The following CTNNA3 variants were observed in gnomAD, a reference collection of about 807,000 sequenced individuals.
CTNNA3 encodes the protein catenin alpha-3.
A neutral mutation model predicts 95.7 loss-of-function variants in CTNNA3; 76 were observed. The ratio of observed to expected loss-of-function variants is 0.79; its 90% CI spans 0.66 to 0.96. The LOEUF (loss-of-function observed/expected upper bound fraction) is 0.96. Ranked by LOEUF, CTNNA3 falls within the 40% of genes least tolerant of loss-of-function variation. The pLI, the probability that CTNNA3 is intolerant of heterozygous loss-of-function variation, is 0.00. For synonymous variants in CTNNA3, 431 were observed against 374.4 expected (o/e 1.15, Z -1.74); for missense variants, 1,191 against 1,089.8 (o/e 1.09, Z -1.31).
At chr10:66,360,719 T>C (rs71492498) in intron 12 of CTNNA3, among the ~76,000 whole-genome samples, 3,909 of 50,622 alleles carry the variant, frequency 0.077, 831 homozygotes, top group Non-Finnish European at 0.12. Context: ...CTCCTTCCTT[T>C]CTTCCTTTCT....
At chr10:67,165,887 G>C (rs1175827498) in intron 7 of CTNNA3, among the ~76,000 whole-genome samples, 1 of 152,146 alleles carries the variant, frequency 6.6e-6, no homozygotes, top group East Asian at 1.9e-4. Flanking sequence ...GAAAGAGCTT[G>C]TTTCTACAAA....
At chr10:65,971,714 C>G (rs977075764) in intron 16 of CTNNA3, among the ~76,000 whole-genome samples, 1 of 151,880 alleles carries the variant, frequency 6.6e-6, no homozygotes, top group African/African-American at 2.4e-5. Context: ...AGAGCCCCAG[C>G]CAAATTCTAC....
intron 13 of CTNNA3, among the ~76,000 whole-genome samples, chr10:66,160,203 T>A (rs545657539): frequency 2.0e-5 from 3 of 152,190 alleles, no homozygotes; most frequent in African/African-American, 7.2e-5. Flanking sequence ...CTTCGTTATT[T>A]CCTTTCTTCT....
intron 7 of CTNNA3, among the ~76,000 whole-genome samples, chr10:66,900,044 C>G (rs1413338658): frequency 1.3e-5 from 2 of 152,282 alleles, no homozygotes; most frequent in African/African-American, 2.4e-5. Context: ...AGACGGCCCC[C>G]TCAAGTGGAT....
At chr10:66,485,447 C>T (rs1281253640) in intron 11 of CTNNA3, among the ~76,000 whole-genome samples, 1 of 151,998 alleles carries the variant, frequency 6.6e-6, no homozygotes, top group Non-Finnish European at 1.5e-5. Flanking sequence ...TCTACGCTAA[C>T]AGGGAACTAT....
At chr10:67,581,246 T>A (rs1225472172) in intron 3 of CTNNA3, among the ~76,000 whole-genome samples, 1 of 152,174 alleles carries the variant, frequency 6.6e-6, no homozygotes, top group Non-Finnish European at 1.5e-5. Flanking sequence ...AACACCTAGT[T>A]TATTGAGAGT....
chr10:66,527,101 G>C (rs1841294978), intron 10 of CTNNA3, among the ~76,000 whole-genome samples: 1 of 152,064 alleles, frequency 6.6e-6, no homozygotes, highest in Admixed American at 6.6e-5. Context: ...GTTAAGTTTT[G>C]TATATGGCAC....
intron 11 of CTNNA3, among the ~76,000 whole-genome samples, chr10:66,468,437 A>G (rs1346849938): frequency 6.6e-6 from 1 of 152,004 alleles, no homozygotes; most frequent in African/African-American, 2.4e-5. Flanking sequence ...TGATATGTAC[A>G]TCAATATAAA....
chr10:65,970,757 C>T (rs987305017), intron 16 of CTNNA3, among the ~76,000 whole-genome samples: 1 of 149,010 alleles, frequency 6.7e-6, no homozygotes, highest in Admixed American at 6.7e-5. Flanking sequence ...TTTAAACCAA[C>T]AACAGTAATA....
intron 6 of CTNNA3, among the ~76,000 whole-genome samples, chr10:67,192,616 G>C (rs931508672): frequency 6.6e-6 from 1 of 151,818 alleles, no homozygotes; most frequent in African/African-American, 2.4e-5. Context: ...TATTTGAGAC[G>C]ATGTGGAGAA....
chr10:67,500,494 T>C lies in CTNNA3; in HGVS notation c.579+21348A>G, dbSNP rs1839194327. Reference sequence around the variant, plus strand: ...AAGTCCTGAACATCCTTGTTAATTTTCTGTCTTGTTGATCTAATATTGACA... The same window carrying C: ...AAGTCCTGAACATCCTTGTTAATTTCCTGTCTTGTTGATCTAATATTGACA... On this transcript the variant is annotated intron_variant, in intron 5 of 17. Transcript: ENST00000433211. Among the ~76,000 whole-genome samples the C allele has an allele frequency of 2.0e-5, 3 of 152,232 alleles. No individual in the cohort carries two copies. The South Asian group carries it at 6.2e-4, about 32-fold the overall frequency.
At chr10:66,332,880 T>C (rs892322713) in intron 12 of CTNNA3, among the ~76,000 whole-genome samples, 2 of 152,158 alleles carry the variant, frequency 1.3e-5, no homozygotes, top group Non-Finnish European at 2.9e-5. Flanking sequence ...GTTGGTAAGC[T>C]ATTAATTATT....
chr10:66,606,090 A>C (rs1322989521), intron 10 of CTNNA3, among the ~76,000 whole-genome samples: 1 of 152,214 alleles, frequency 6.6e-6, no homozygotes, highest in Non-Finnish European at 1.5e-5. Flanking sequence ...AAATTTACCA[A>C]ATAAATGCAA....
intron 15 of CTNNA3, among the ~76,000 whole-genome samples, chr10:65,998,846 T>C (rs757739639): frequency 2.6e-4 from 39 of 152,152 alleles, no homozygotes; most frequent in African/African-American, 2.9e-4. Flanking sequence ...AGGGGATTCA[T>C]GCAAAGCTAA....
chr10:67,512,364 G>C (rs1839664587), intron 5 of CTNNA3, among the ~76,000 whole-genome samples: 1 of 152,142 alleles, frequency 6.6e-6, no homozygotes, highest in Admixed American at 6.5e-5. Context: ...ACTATTATAT[G>C]ATCCAGCAAT....
At chr10:67,501,079 G>T (rs1180530536) in intron 5 of CTNNA3, among the ~76,000 whole-genome samples, 2 of 152,168 alleles carry the variant, frequency 1.3e-5, no homozygotes, top group Non-Finnish European at 2.9e-5. Flanking sequence ...TTACAATTTG[G>T]TATGTTTTTG....
chr10:66,871,562 CAAAAAAAAAAAA>C, intron 7 of CTNNA3, among the ~76,000 whole-genome samples: 1 of 96,454 alleles, frequency 1.0e-5, no homozygotes, highest in East Asian at 2.8e-4. Context: ...AACTCTGTCT[CAAAAAAAAAAAA>C]AAAAAAAAAA....
intron 14 of CTNNA3, among the ~76,000 whole-genome samples, chr10:66,100,698 C>G (rs571305612): frequency 1.4e-4 from 21 of 152,242 alleles, no homozygotes; most frequent in African/African-American, 4.8e-4. Context: ...AGTTTGTAAC[C>G]TATAATGGGC....
intron 13 of CTNNA3, among the ~76,000 whole-genome samples, chr10:66,165,369 A>C (rs942384499): frequency 4.6e-5 from 7 of 152,118 alleles, no homozygotes; most frequent in Admixed American, 2.6e-4. Flanking sequence ...CATACTCACT[A>C]CCTGGGTGAA....
Sources: gnomAD v4.1 joint callset for allele counts (sites outside exome capture counted in the v4.1 genomes callset) on GRCh38, gnomAD v4.1.1 for gene constraint, MANE v1.5 for transcripts, NCBI Gene and HGNC (gene_info 2026-07-23, HGNC 2026-07-21) for gene names.